The following TPR variants were observed in gnomAD, a reference collection of about 807,000 sequenced individuals.
The protein encoded by TPR is nucleoprotein TPR.
A neutral mutation model predicts 316.1 loss-of-function variants in TPR; 51 were observed. The observed-to-expected ratio is 0.16, with a 90% confidence interval of 0.13 to 0.20. The LOEUF (loss-of-function observed/expected upper bound fraction) is 0.20. TPR is among the 10% of genes least tolerant of loss of function. TPR has a pLI of 1.00. For synonymous variants in TPR, 981 were observed against 914.7 expected, an observed-to-expected ratio of 1.07 and a Z score of -1.31; for missense variants, 2,272 against 2,754.8, an observed-to-expected ratio of 0.82 and a Z score of 3.92.
chr1:186,374,726 A>G, intron 1 of TPR, 152 bp downstream of exon 1: 15 of 746,996 alleles, frequency 2.0e-5, no homozygotes, highest in Middle Eastern at 4.0e-4. Context: ...ATCAAACTGT[A>G]AGGAGCAGGA....
At chr1:186,362,675 C>T (rs746888935) in intron 6 of TPR, among the ~76,000 whole-genome samples, 162 bp downstream of exon 6, 1 of 151,924 alleles carries the variant, frequency 6.6e-6, no homozygotes, top group East Asian at 1.9e-4. Flanking sequence ...TTTATGTAAA[C>T]GCAATTGGTT....
chr1:186,317,192 G>A (rs1005588562), intron 49 of TPR, among the ~76,000 whole-genome samples: 5 of 152,134 alleles, frequency 3.3e-5, no homozygotes, highest in Non-Finnish European at 5.9e-5. Context: ...AAAGACCCAA[G>A]AGCTCTACAA....
rs921744339 is a variant in TPR, at chr1:186,315,221, C to A, written c.6941-497G>T. 2.6e-3 allele frequency among the ~76,000 whole-genome samples: 349 copies of A among 133,648 alleles called. 6 individuals carry two copies. Among genetic ancestry groups the A allele is most frequent in the African/African-American group, 0.012 (333 of 28,558 alleles). 87.7% of individuals were successfully genotyped at this position (133,648 alleles called of 152,430 possible). A position where few individuals can be genotyped will look rare whatever the true frequency, so the allele number is the denominator to read the frequency against. On this transcript the variant is annotated intron_variant, in intron 49 of 50. Transcript: ENST00000367478. ...GGCCCTGTCTCAAAAAAAAAACAAA[C>A]AAACAAACAAAAAAAAAACACCAAA...
At chr1:186,347,492 T>C (rs562134765) in intron 21 of TPR, 34 bp from the exon 22 acceptor site, 2 of 1,603,494 alleles carry the variant, frequency 1.2e-6, no homozygotes, top group Admixed American at 3.4e-5. Flanking sequence ...AAAATTAACA[T>C]TTTCAATAGT....
chr1:186,362,877 A>C lies in TPR; in HGVS notation c.656T>G (p.Ile219Ser). The C allele has an allele frequency of 1.2e-6, 2 of 1,606,442 alleles. No homozygotes were observed. The highest frequency in any genetic ancestry group is 1.7e-6 in the Non-Finnish European group (2 of 1,177,740). Residue 219 changes from isoleucine (I) to serine (S), a missense_variant, in exon 6 of 51, where the codon ATT (isoleucine) becomes AGT (serine). Ile to Ser is a moderately radical substitution (Grantham distance 142). Transcript: ENST00000367478. ...TTCAAGATTACATTTAAGCTCTAGA[A>C]TCTCATTCCCTTTTTCTCTTCCAAG... Reference protein sequence around the residue: ...LALGREKGNEILELKCNLENK... With the variant: ...LALGREKGNESLELKCNLENK...
intron 1 of TPR, 66 bp downstream of exon 1, chr1:186,374,812 G>A: frequency 6.5e-7 from 1 of 1,528,388 alleles, no homozygotes; most frequent in Non-Finnish European, 8.9e-7. Context: ...ACTTGATGGG[G>A]GAAGACCAGA....
intron 39 of TPR, among the ~76,000 whole-genome samples, chr1:186,327,867 C>G (rs376698337): frequency 6.6e-6 from 1 of 151,970 alleles, no homozygotes; most frequent in Admixed American, 6.6e-5. Flanking sequence ...CTGAAACCTC[C>G]GCCCCACTGG....
rs3766710 is a variant in TPR, at chr1:186,320,780, C to T, written c.6462-362G>A. On this transcript the variant is annotated intron_variant, in intron 45 of 50. Coordinates refer to ENST00000367478, the MANE Select transcript of TPR (RefSeq NM_003292.3). Reference sequence around the variant, plus strand: ...GAGTTGTTAGAATGAAGTCATGAGACAAAGTTTTATCTTAGTTTTCATTTG... The same window carrying T: ...GAGTTGTTAGAATGAAGTCATGAGATAAAGTTTTATCTTAGTTTTCATTTG... 1.2e-3 allele frequency among the ~76,000 whole-genome samples: 186 copies of T among 152,214 alleles called. 1 individual carries two copies. Among genetic ancestry groups the T allele is most frequent in the East Asian group, 7.3e-3 (38 of 5,180 alleles).
intron 49 of TPR, among the ~76,000 whole-genome samples, chr1:186,317,239 G>A (rs1325166827): frequency 6.6e-6 from 1 of 152,200 alleles, no homozygotes; most frequent in Non-Finnish European, 1.5e-5. Flanking sequence ...GATGAAACAT[G>A]AGTGAGCTAT....
intron 32 of TPR, 82 bp downstream of exon 32, chr1:186,336,931 G>T: frequency 6.3e-7 from 1 of 1,577,700 alleles, no homozygotes. Context: ...CACATGGTAA[G>T]ACAAAGTGTC....
At chr1:186,328,172 T>C (rs1254443000) in intron 39 of TPR, among the ~76,000 whole-genome samples, 1 of 152,030 alleles carries the variant, frequency 6.6e-6, no homozygotes, top group Non-Finnish European at 1.5e-5. Flanking sequence ...ATAGAAGAAT[T>C]ATCATAAATC....
rs771735167 is a variant in TPR, at chr1:186,341,121, T to A, written c.3927A>T (p.Glu1309Asp). 1.5e-5 allele frequency: 25 copies of A among 1,614,166 alleles called. No homozygotes were observed. The highest frequency in any genetic ancestry group is 2.0e-5 in the Non-Finnish European group (24 of 1,180,026). Residue 1309 changes from glutamate (E) to aspartate (D), a missense_variant, in exon 29 of 51, where the codon GAA becomes GAT. Physicochemically the swap from Glu to Asp is conservative, Grantham distance 45 (BLOSUM62 2). Coordinates refer to ENST00000367478, the MANE Select transcript of TPR (RefSeq NM_003292.3). The part of the protein sequence containing the change: ...KLELDILPLQ[E>D]ANAELSEKSG... ...TTTTCTCACTCAGCTCAGCATTTGC[T>A]TCTTGTAAGGGTAAAATATCTAACT...
At chr1:186,373,728 G>GA (rs1265161808) in intron 1 of TPR, among the ~76,000 whole-genome samples, 2 of 152,094 alleles carry the variant, frequency 1.3e-5, no homozygotes, top group Non-Finnish European at 2.9e-5. Flanking sequence ...TTCAAGGCAG[G>GA]TAACCTCATT....
Position 186,353,299 on chromosome 1 carries a change from G to A in TPR, c.2334+389C>T, listed in dbSNP as rs575278832. 1.1e-3 allele frequency among the ~76,000 whole-genome samples: 160 copies of A among 152,062 alleles called. 1 individual carries two copies. Among genetic ancestry groups the A allele is most frequent in the Non-Finnish European group, 1.7e-3 (118 of 67,990 alleles). Reference sequence around the variant, plus strand: ...AGGCAGGAGAATGGCGTAAACCCGGGAGGCGGAGCTTGCAGTGAGCCAAGA... The same window carrying A: ...AGGCAGGAGAATGGCGTAAACCCGGAAGGCGGAGCTTGCAGTGAGCCAAGA... On this transcript the variant is annotated intron_variant, in intron 18 of 50. Transcript: ENST00000367478.
Position 186,312,520 on chromosome 1 carries a change from G to A in TPR, c.*1451C>T. On this transcript the variant is annotated 3_prime_UTR_variant, in exon 51 of 51. Coordinates refer to ENST00000367478, the MANE Select transcript of TPR (RefSeq NM_003292.3). The stretch of plus-strand genomic sequence containing the variant: ...ATGAAAAACTCATCCACTTGCCTTA[G>A]TGAATAACCAAAGACCAATACTTTC... 1 of 869,010 alleles carries A rather than the reference G, an allele frequency of 1.2e-6. No individual in the cohort carries two copies. Among genetic ancestry groups the A allele is most frequent in the Non-Finnish European group, 1.7e-6 (1 of 574,876 alleles). The allele number at this position is 869,010 out of a possible 1,614,324, so 53.8% of individuals were successfully genotyped here. A position where few individuals can be genotyped will look rare whatever the true frequency, so the allele number is the denominator to read the frequency against.
chr1:186,354,011 G>A, intron 17 of TPR, 161 bp from the exon 18 acceptor site: 1 of 574,962 alleles, frequency 1.7e-6, no homozygotes, highest in Non-Finnish European at 2.9e-6. Flanking sequence ...GTTGAATTCT[G>A]CTTAGAAATA....
At chr1:186,374,562 T>C (rs902785797) in intron 1 of TPR, among the ~76,000 whole-genome samples, 7 of 152,174 alleles carry the variant, frequency 4.6e-5, no homozygotes, top group African/African-American at 1.7e-4. Flanking sequence ...ACATATAAGG[T>C]ACTCTAGGCT....
At chr1:186,362,191 C>A in intron 7 of TPR, 97 bp downstream of exon 7, 1 of 1,018,728 alleles carries the variant, frequency 9.8e-7, no homozygotes, top group Non-Finnish European at 1.5e-6. Flanking sequence ...TTTTATGGGG[C>A]CAAGGACAGA....
chr1:186,344,284 G>GTC, intron 25 of TPR, 91 bp downstream of exon 25: 1 of 1,476,260 alleles, frequency 6.8e-7, no homozygotes, highest in Non-Finnish European at 9.2e-7. Context: ...ATGGGTGACA[G>GTC]AGCGAGGCTC....
Sources: gnomAD v4.1 joint callset for allele counts (sites outside exome capture counted in the v4.1 genomes callset) on GRCh38, gnomAD v4.1.1 for gene constraint, MANE v1.5 for transcripts, NCBI Gene and HGNC (gene_info 2026-07-23, HGNC 2026-07-21) for gene names.